The following PRKCA variants were observed in gnomAD, a reference collection of about 807,000 sequenced individuals.
The protein encoded by PRKCA is protein kinase C alpha, also known as protein kinase C alpha type.
A neutral mutation model predicts 87.0 loss-of-function variants in PRKCA; 27 were observed. That is an observed-to-expected ratio of 0.31 (90% CI 0.23 to 0.43). PRKCA has a LOEUF of 0.43. Among genes scored for constraint, PRKCA ranks in the 20% least tolerant of loss-of-function variants. The probability of loss-of-function intolerance (pLI) is 1.00; values close to 1 mark genes in which losing one functional copy is unlikely to be tolerated. For synonymous variants in PRKCA, 329 were observed against 311.1 expected, an observed-to-expected ratio of 1.06 and a Z score of -0.61; for missense variants, 518 against 852.3, an observed-to-expected ratio of 0.61 and a Z score of 4.88.
At chr17:66,325,968 C>A (rs1023190798) in intron 2 of PRKCA, among the ~76,000 whole-genome samples, 1 of 152,124 alleles carries the variant, frequency 6.6e-6, no homozygotes, top group Non-Finnish European at 1.5e-5. Flanking sequence ...TGAGTGGCTA[C>A]CATCCATTCA....
chr17:66,323,130 T>C (rs1194847555), intron 2 of PRKCA, among the ~76,000 whole-genome samples: 1 of 152,218 alleles, frequency 6.6e-6, no homozygotes, highest in Non-Finnish European at 1.5e-5. Flanking sequence ...CACTTCCTCC[T>C]CCATCTCCTC....
intron 2 of PRKCA, among the ~76,000 whole-genome samples, chr17:66,336,777 T>C (rs1418191693): frequency 2.0e-5 from 3 of 150,940 alleles, no homozygotes; most frequent in Non-Finnish European, 4.4e-5. Flanking sequence ...TGTGTGTGTG[T>C]GTGTGTGTGT....
intron 8 of PRKCA, among the ~76,000 whole-genome samples, chr17:66,698,325 T>A (rs1282108513): frequency 6.6e-6 from 1 of 152,070 alleles, no homozygotes; most frequent in African/African-American, 2.4e-5. Flanking sequence ...TTAAGGAAGC[T>A]CAGAGAGCTA....
chr17:66,498,239 A>G lies in PRKCA; in HGVS notation c.288+1956A>G, dbSNP rs529565162. 3.9e-5 allele frequency among the ~76,000 whole-genome samples: 6 copies of G among 152,008 alleles called. No homozygotes were observed. The East Asian group carries it at 1.2e-3, about 29-fold the overall frequency. ...GCATTTTAGAGATAAAAATAGCTGG[A>G]ACGTAAAGTACTAACTTTTCCAAAA... On this transcript the variant is annotated intron_variant, in intron 3 of 16. Transcript: ENST00000413366.
intron 5 of PRKCA, among the ~76,000 whole-genome samples, chr17:66,686,480 G>A (rs1161195692): frequency 6.6e-6 from 1 of 152,180 alleles, no homozygotes; most frequent in African/African-American, 2.4e-5. Flanking sequence ...GCTTGCCCCT[G>A]CTGCCCAGTA....
chr17:66,411,900 A>G (rs1404892945), intron 2 of PRKCA, among the ~76,000 whole-genome samples: 1 of 151,828 alleles, frequency 6.6e-6, no homozygotes, highest in Non-Finnish European at 1.5e-5. Flanking sequence ...AAAAAACCTT[A>G]CTTTTTATTA....
At chr17:66,581,340 C>G (rs1289529174) in intron 3 of PRKCA, among the ~76,000 whole-genome samples, 1 of 152,102 alleles carries the variant, frequency 6.6e-6, no homozygotes, top group African/African-American at 2.4e-5. Flanking sequence ...TGGCTGTGCT[C>G]CAAAAAAGCT....
chr17:66,329,658 C>T (rs1046597520), intron 2 of PRKCA, among the ~76,000 whole-genome samples: 10 of 152,172 alleles, frequency 6.6e-5, no homozygotes, highest in African/African-American at 1.9e-4. Context: ...GAATTTTAAG[C>T]AGGAGGTCCC....
chr17:66,398,533 G>A lies in PRKCA; in HGVS notation c.205+92406G>A, dbSNP rs963608687. On this transcript the variant is annotated intron_variant, in intron 2 of 16. Coordinates refer to ENST00000413366, the MANE Select transcript of PRKCA (RefSeq NM_002737.3). ...AGTGAGGAAGGCATTTTGGTGTGGA[G>A]AGAGTAAGATTGGGGAAGGAAAGCT... Among the ~76,000 whole-genome samples, 7 of 152,218 alleles carry A rather than the reference G, an allele frequency of 4.6e-5. No individual in the cohort carries two copies. In the South Asian group the frequency reaches 1.4e-3, roughly 32 times the overall value.
chr17:66,441,660 T>G lies in PRKCA; in HGVS notation c.206-54541T>G, dbSNP rs371975936. Reference sequence around the variant, plus strand: ...GGAAGTCAATGCCTGTGATCCCCTTTCTAAAGGAGGCACGGATAGCTGCTG... The same window carrying G: ...GGAAGTCAATGCCTGTGATCCCCTTGCTAAAGGAGGCACGGATAGCTGCTG... On this transcript the variant is annotated intron_variant, in intron 2 of 16. Coordinates refer to ENST00000413366, the MANE Select transcript of PRKCA (RefSeq NM_002737.3). 6.6e-5 allele frequency among the ~76,000 whole-genome samples: 10 copies of G among 152,308 alleles called. No homozygotes were observed. In the East Asian group the frequency reaches 9.6e-4, roughly 15 times the overall value.
At chr17:66,376,458 AT>A (rs2056542340) in intron 2 of PRKCA, among the ~76,000 whole-genome samples, 1 of 152,088 alleles carries the variant, frequency 6.6e-6, no homozygotes, top group African/African-American at 2.4e-5. Context: ...AACTACAAAA[AT>A]TATCTGGGCA....
chr17:66,322,859 G>A (rs1905764246), intron 2 of PRKCA, among the ~76,000 whole-genome samples: 1 of 152,050 alleles, frequency 6.6e-6, no homozygotes, highest in African/African-American at 2.4e-5. Context: ...AGAAAACCAT[G>A]CAAAACAAAT....
At chr17:66,501,224 T>C (rs1402593532) in intron 3 of PRKCA, among the ~76,000 whole-genome samples, 1 of 152,202 alleles carries the variant, frequency 6.6e-6, no homozygotes, top group Non-Finnish European at 1.5e-5. Context: ...ACAGAGATGC[T>C]CTTCAAGACT....
At chr17:66,782,771 G>A (rs966551998) in intron 14 of PRKCA, among the ~76,000 whole-genome samples, 68 of 152,170 alleles carry the variant, frequency 4.5e-4, no homozygotes, top group Non-Finnish European at 2.9e-4. Context: ...AGTACCCTCT[G>A]CCTCACTTCA....
chr17:66,383,238 A>G (rs1909868842), intron 2 of PRKCA, among the ~76,000 whole-genome samples: 1 of 152,104 alleles, frequency 6.6e-6, no homozygotes, highest in Non-Finnish European at 1.5e-5. Context: ...AGTTGTTCAT[A>G]TTATTTTTCT....
At chr17:66,717,159 T>G (rs1973497532) in intron 8 of PRKCA, among the ~76,000 whole-genome samples, 1 of 152,200 alleles carries the variant, frequency 6.6e-6, no homozygotes, top group Non-Finnish European at 1.5e-5. Context: ...ATGAGTGATT[T>G]GAGAACCTGC....
chr17:66,686,731 G>A (rs1047481902), intron 5 of PRKCA, among the ~76,000 whole-genome samples: 2 of 152,116 alleles, frequency 1.3e-5, no homozygotes, highest in African/African-American at 4.8e-5. Flanking sequence ...ATGCAGGGAG[G>A]GTGCACCATT....
At chr17:66,642,443 T>G (rs1435880208) in intron 4 of PRKCA, among the ~76,000 whole-genome samples, 6 of 152,178 alleles carry the variant, frequency 3.9e-5, no homozygotes, top group Middle Eastern at 3.2e-3. Context: ...TTGATCGTTC[T>G]TAAAGTATGA....
chr17:66,651,135 G>A (rs933408014), intron 5 of PRKCA, among the ~76,000 whole-genome samples: 1 of 152,142 alleles, frequency 6.6e-6, no homozygotes, highest in Non-Finnish European at 1.5e-5. Flanking sequence ...GAAGAAGAGG[G>A]CATTCCAGGC....
Sources: allele counts gnomAD v4.1 joint callset (sites outside exome capture counted in the v4.1 genomes callset), GRCh38; gene constraint gnomAD v4.1.1; transcripts MANE v1.5; gene names NCBI Gene and HGNC (gene_info 2026-07-23, HGNC 2026-07-21).